The following PCDHGA2 variants were observed in gnomAD, a reference collection of about 807,000 sequenced individuals.
PCDHGA2 encodes the protein protocadherin gamma subfamily A, 2.
Under a neutral mutation model 59.2 loss-of-function variants are expected in PCDHGA2, and 40 were observed. The ratio of observed to expected loss-of-function variants is 0.68; its 90% confidence interval spans 0.52 to 0.88. PCDHGA2 has a LOEUF of 0.88. Ranked by LOEUF, PCDHGA2 falls within the 40% of genes least tolerant of loss-of-function variation. PCDHGA2 has a pLI of 0.00. For synonymous variants in PCDHGA2, 560 were observed against 526.0 expected (o/e 1.06, Z -0.89); for missense variants, 1,226 against 1,204.0 (o/e 1.02, Z -0.27).
At chr5:141,492,312 C>G (rs1470136040) in intron 1 of PCDHGA2, among the ~76,000 whole-genome samples, 3 of 152,230 alleles carry the variant, frequency 2.0e-5, no homozygotes, top group Non-Finnish European at 4.4e-5. Context: ...CGCACGCACT[C>G]CTCGCACGTG....
At chr5:141,418,145 T>G in intron 1 of PCDHGA2, 4 of 1,614,052 alleles carry the variant, frequency 2.5e-6, no homozygotes, top group Non-Finnish European at 3.4e-6. Flanking sequence ...TGAGCAAATA[T>G]GCAAAGAGAG....
intron 1 of PCDHGA2, chr5:141,417,260 G>A (rs1362206061): frequency 1.3e-5 from 2 of 152,174 alleles, no homozygotes; most frequent in Non-Finnish European, 2.9e-5. Context: ...CAGCTTCATA[G>A]ATAATTACTC....
rs200568923 is a variant in PCDHGA2 at position 141,413,794 on chromosome 5, G to A, written c.2424+72399G>A. On this transcript the variant is annotated intron_variant, in intron 1 of 3. Coordinates refer to ENST00000394576, the MANE Select transcript of PCDHGA2 (RefSeq NM_018915.4). The stretch of plus-strand genomic sequence containing the variant: ...GGTACTGGAGCACTCCCTAGATCGC[G>A]AGGAAGAGGCCATTCACCACCTGGT... 6.7e-5 allele frequency: 108 copies of A among 1,613,050 alleles called. No individual in the cohort carries two copies. Among genetic ancestry groups the A allele is most frequent in the Admixed American group, 8.3e-5 (5 of 59,990 alleles).
At chr5:141,387,510 C>A (rs972550298) in intron 1 of PCDHGA2, among the ~76,000 whole-genome samples, 1 of 152,206 alleles carries the variant, frequency 6.6e-6, no homozygotes, top group Non-Finnish European at 1.5e-5. Context: ...TTTTAGACGT[C>A]ATTAAATATA....
At chr5:141,435,421 C>T (rs1384040447) in intron 1 of PCDHGA2, among the ~76,000 whole-genome samples, 2 of 152,096 alleles carry the variant, frequency 1.3e-5, no homozygotes, top group Non-Finnish European at 2.9e-5. Context: ...CTATTTTTCA[C>T]TTCTGTTATG....
At chr5:141,410,849 C>CTTGTTTTTTTTTTTTTTT (rs2095431880) in intron 1 of PCDHGA2, 1 of 129,786 alleles carries the variant, frequency 7.7e-6, no homozygotes, top group African/African-American at 6.0e-5. Context: ...TTGTCTTTGT[C>CTTGTTTTTTTTTTTTTTT]TTTTTTTTTT....
rs753724895 is a variant in PCDHGA2, at chr5:141,366,167, G to A, written c.2424+24772G>A. 7 of 1,614,080 alleles carry A rather than the reference G, an allele frequency of 4.3e-6. No homozygotes were observed. In the Admixed American group the frequency reaches 6.7e-5, roughly 15 times the overall value. On this transcript the variant is annotated intron_variant, in intron 1 of 3. Transcript: ENST00000394576. ...GTCCTACCGCCTGCTTAAGGCCAGC[G>A]AGCCAGGACTCTTTGCGGTTGGGCT...
chr5:141,408,561 T>C lies in PCDHGA2; in HGVS notation c.2424+67166T>C. On this transcript the variant is annotated intron_variant, in intron 1 of 3. Coordinates refer to ENST00000394576, the MANE Select transcript of PCDHGA2 (RefSeq NM_018915.4). ...AATCCTTTAAATATTTTTCATGTCA[T>C]TGTGGTGATTGAGGATGTTAATGAC... 6.2e-7 allele frequency: 1 copy of C among 1,613,994 alleles called. No homozygotes were observed.
At chr5:141,508,896 C>A (rs1171693212) in intron 3 of PCDHGA2, among the ~76,000 whole-genome samples, 1 of 151,862 alleles carries the variant, frequency 6.6e-6, no homozygotes, top group Non-Finnish European at 1.5e-5. Context: ...GGGGAGGGGG[C>A]GGGGCGGTGG....
intron 1 of PCDHGA2, among the ~76,000 whole-genome samples, chr5:141,380,453 A>T (rs1776506198): frequency 6.6e-6 from 1 of 152,216 alleles, no homozygotes; most frequent in Non-Finnish European, 1.5e-5. Context: ...TTTTAATGCA[A>T]CCAAACAAAT....
At position 141,341,335 on chromosome 5, in the gene PCDHGA2, G is replaced by T; in HGVS notation, c.2364G>T (p.Lys788Asn). ...TLISQESCEK[K>N]DFLSAPQSLL... ...TCAGCCAGGAGAGCTGTGAGAAAAA[G>T]GATTTTTTATCAGCGCCTCAATCTC... The change falls in exon 1 of 4, where the codon AAG becomes AAT. Residue 788 changes from lysine (K) to asparagine (N), a missense_variant. Physicochemically the swap from Lys to Asn is moderately conservative, Grantham distance 94 (BLOSUM62 0). Transcript: ENST00000394576. The T allele has an allele frequency of 6.2e-7, 1 of 1,614,214 alleles. No individual in the cohort carries two copies. Among genetic ancestry groups the T allele is most frequent in the Non-Finnish European group, 8.5e-7 (1 of 1,180,038 alleles).
rs1203319140 is a variant in PCDHGA2, at chr5:141,357,321, T to C, written c.2424+15926T>C. 3 of 1,613,998 alleles carry C rather than the reference T, an allele frequency of 1.9e-6. No individual in the cohort carries two copies. In the African/African-American group the frequency reaches 4.0e-5, roughly 22 times the overall value. On this transcript the variant is annotated intron_variant, in intron 1 of 3. Coordinates refer to ENST00000394576, the MANE Select transcript of PCDHGA2 (RefSeq NM_018915.4). ...CTGTCTCCTGCGTCTTCCTGGCTTT[T>C]GTCACGGTGCTGCTAGCACTCAAGC...
chr5:141,435,795 G>A (rs150143106), intron 1 of PCDHGA2, among the ~76,000 whole-genome samples: 16 of 152,032 alleles, frequency 1.1e-4, no homozygotes, highest in Admixed American at 2.0e-4. Flanking sequence ...GAAACATAAC[G>A]TCCCAATTAT....
intron 1 of PCDHGA2, among the ~76,000 whole-genome samples, chr5:141,387,427 GT>G (rs1416187411): frequency 6.6e-6 from 1 of 152,220 alleles, no homozygotes; most frequent in Non-Finnish European, 1.5e-5. Context: ...GTCAATAAAT[GT>G]TTATGTACTT....
chr5:141,480,914 G>A (rs959577133), intron 1 of PCDHGA2, among the ~76,000 whole-genome samples: 18 of 151,978 alleles, frequency 1.2e-4, no homozygotes, highest in South Asian at 4.2e-4. Flanking sequence ...GCATGGTGGC[G>A]CATACCTGTA....
At chr5:141,418,908 C>T (rs1037628215) in intron 1 of PCDHGA2, 1 of 1,613,814 alleles carries the variant, frequency 6.2e-7, no homozygotes, top group Non-Finnish European at 8.5e-7. Context: ...ATAATCATCA[C>T]GTCACTCTCT....
At chr5:141,389,896 C>T (rs1398944326) in intron 1 of PCDHGA2, 1 of 1,614,076 alleles carries the variant, frequency 6.2e-7, no homozygotes, top group Non-Finnish European at 8.5e-7. Flanking sequence ...GAGGTGCTGC[C>T]GGATATCACT....
intron 1 of PCDHGA2, chr5:141,375,169 A>G: frequency 6.2e-7 from 1 of 1,614,010 alleles, no homozygotes; most frequent in South Asian, 1.1e-5. Flanking sequence ...GTGCACCTCC[A>G]GGAACAGTAA....
chr5:141,394,229 T>C, intron 1 of PCDHGA2: 1 of 1,613,872 alleles, frequency 6.2e-7, no homozygotes, highest in Non-Finnish European at 8.5e-7. Flanking sequence ...CCTCCATCTT[T>C]TCCTTGACTG....
Sources: gnomAD v4.1 joint callset for allele counts (sites outside exome capture counted in the v4.1 genomes callset) on GRCh38, gnomAD v4.1.1 for gene constraint, MANE v1.5 for transcripts, NCBI Gene and HGNC (gene_info 2026-07-23, HGNC 2026-07-21) for gene names.